The following UGT1A8 variants were observed in gnomAD, a reference collection of about 807,000 sequenced individuals.
UGT1A8 encodes the protein UDP glucuronosyltransferase family 1 member A8, also known as UDP-glucuronosyltransferase 1A8.
A neutral mutation model predicts 45.3 loss-of-function variants in UGT1A8; 39 were observed. The observed-to-expected ratio is 0.86, with a 90% CI of 0.67 to 1.12. UGT1A8 has a LOEUF of 1.12. Ranked by LOEUF, UGT1A8 falls within the 50% of genes most tolerant of loss-of-function variation. The pLI is 0.00. For missense variants in UGT1A8, 719 were observed against 664.9 expected (o/e 1.08, Z -0.90); for synonymous variants, 275 against 249.2 (o/e 1.10, Z -0.97).
chr2:233,696,740 AGTATGAT>A (rs1292795336), intron 1 of UGT1A8, among the ~76,000 whole-genome samples: 1 of 152,134 alleles, frequency 6.6e-6, no homozygotes, highest in African/African-American at 2.4e-5. Context: ...TACCCTTTTC[AGTATGAT>A]GTTAGCTGTG....
At chr2:233,747,651 G>T (rs566750548) in intron 1 of UGT1A8, 4 of 1,588,612 alleles carry the variant, frequency 2.5e-6, no homozygotes, top group African/African-American at 2.7e-5. Flanking sequence ...TACTTCCTTC[G>T]ATGTGGTTTT....
chr2:233,640,429 C>T (rs1303008884), intron 1 of UGT1A8, among the ~76,000 whole-genome samples: 1 of 152,034 alleles, frequency 6.6e-6, no homozygotes, highest in Non-Finnish European at 1.5e-5. Flanking sequence ...TACACGGCCA[C>T]AATATCGTTA....
chr2:233,740,535 G>A (rs566003594), intron 1 of UGT1A8, among the ~76,000 whole-genome samples: 2 of 151,952 alleles, frequency 1.3e-5, no homozygotes, highest in South Asian at 2.1e-4. Context: ...CAGCTGTGTT[G>A]AACTCCAGCC....
chr2:233,683,625 C>T (rs1285866953), intron 1 of UGT1A8, among the ~76,000 whole-genome samples: 1 of 152,056 alleles, frequency 6.6e-6, no homozygotes, highest in Non-Finnish European at 1.5e-5. Flanking sequence ...TGTTTTATTT[C>T]CATAAATAAA....
At chr2:233,747,673 T>G in intron 1 of UGT1A8, 1 of 1,605,188 alleles carries the variant, frequency 6.2e-7, no homozygotes, top group Non-Finnish European at 8.5e-7. Context: ...ATAGACCCAA[T>G]TTACCTCTGT....
chr2:233,733,854 T>C (rs1332608655), intron 1 of UGT1A8, among the ~76,000 whole-genome samples: 1 of 152,088 alleles, frequency 6.6e-6, no homozygotes, highest in East Asian at 1.9e-4. Flanking sequence ...CTTTTTCTAT[T>C]GATTGGAATA....
rs3213726 is a variant in UGT1A8, at chr2:233,766,877, C to A, written c.856-157C>A. ...GAAGGAAGTAAAGGAGAGGAAAATG[C>A]TGTAAAACTTACATATTAATAATTT... On this transcript the variant is annotated intron_variant, in intron 1 of 4. Coordinates refer to ENST00000373450, the MANE Select transcript of UGT1A8 (RefSeq NM_019076.5). Among the ~76,000 whole-genome samples, 50 of 152,336 alleles carry A rather than the reference C, an allele frequency of 3.3e-4. No homozygotes were observed. The East Asian group carries it at 9.2e-3, about 28-fold the overall frequency.
intron 1 of UGT1A8, among the ~76,000 whole-genome samples, chr2:233,737,452 T>A (rs1303552589): frequency 6.6e-6 from 1 of 152,148 alleles, no homozygotes; most frequent in Non-Finnish European, 1.5e-5. Flanking sequence ...TTTTTCCAGG[T>A]ACAGTCTGTC....
intron 1 of UGT1A8, among the ~76,000 whole-genome samples, chr2:233,712,715 A>G (rs2125629619): frequency 1.3e-5 from 2 of 151,908 alleles, no homozygotes; most frequent in South Asian, 4.2e-4. Context: ...TTGGGAATTG[A>G]ATGAGAAACA....
rs750647558 is a variant in UGT1A8 at position 233,719,225 on chromosome 2, G to A, written c.856-47809G>A. On this transcript the variant is annotated intron_variant, in intron 1 of 4. Coordinates refer to ENST00000373450, the MANE Select transcript of UGT1A8 (RefSeq NM_019076.5). ...GTTGTGTGGAGCTACTGCATAATGA[G>A]GCCCTGATCAGGCACCTGAATGCTA... The A allele has an allele frequency of 4.3e-6, 7 of 1,614,052 alleles. No homozygotes were observed. In the South Asian group the frequency reaches 5.5e-5, roughly 13 times the overall value.
chr2:233,767,950 A>T lies in UGT1A8; in HGVS notation c.1075+14A>T. The T allele has an allele frequency of 6.2e-7, 1 of 1,614,160 alleles. No homozygotes were observed. On this transcript the variant is annotated intron_variant, in intron 3 of 4. Transcript: ENST00000373450. ...ACGATCTGCTTGGTATGTTGGGCGG[A>T]TTGGATGTATAGGTCAAACCAGGGT... is the stretch of plus-strand genomic sequence containing the variant.
At chr2:233,767,621 C>T (rs149525417) in intron 2 of UGT1A8, among the ~76,000 whole-genome samples, 1 of 152,276 alleles carries the variant, frequency 6.6e-6, no homozygotes, top group African/African-American at 2.4e-5. Flanking sequence ...AAGTGCACAG[C>T]TTGATAAATT....
chr2:233,758,687 A>T (rs1165998608), intron 1 of UGT1A8, among the ~76,000 whole-genome samples: 1 of 152,210 alleles, frequency 6.6e-6, no homozygotes, highest in Non-Finnish European at 1.5e-5. Flanking sequence ...CCCATAGGAC[A>T]CCAAAACTCT....
intron 1 of UGT1A8, among the ~76,000 whole-genome samples, chr2:233,665,816 G>A (rs767166241): frequency 6.6e-6 from 1 of 152,192 alleles, no homozygotes; most frequent in Non-Finnish European, 1.5e-5. Context: ...TGGAGTAGTT[G>A]TGATCTATGG....
chr2:233,739,772 T>C (rs1691199757), intron 1 of UGT1A8, among the ~76,000 whole-genome samples: 1 of 152,174 alleles, frequency 6.6e-6, no homozygotes, highest in South Asian at 2.1e-4. Context: ...AGTGCTGAAA[T>C]GAGTTAAGAC....
chr2:233,628,384 C>T (rs2073130583), intron 1 of UGT1A8, among the ~76,000 whole-genome samples: 1 of 151,932 alleles, frequency 6.6e-6, no homozygotes, highest in Non-Finnish European at 1.5e-5. Context: ...TAAAAATCTG[C>T]ATATAAGTGG....
At chr2:233,680,011 TTC>T (rs892879074) in intron 1 of UGT1A8, among the ~76,000 whole-genome samples, 4 of 152,052 alleles carry the variant, frequency 2.6e-5, no homozygotes, top group Non-Finnish European at 5.9e-5. Context: ...TTTTCTTTCT[TTC>T]TCTCTCTCTC....
chr2:233,761,173 T>C (rs771182197), intron 1 of UGT1A8: 2 of 1,614,246 alleles, frequency 1.2e-6, no homozygotes, highest in South Asian at 2.2e-5. Context: ...AGTGGGACTT[T>C]TACATGCGTA....
At chr2:233,628,788 A>G (rs939907272) in intron 1 of UGT1A8, among the ~76,000 whole-genome samples, 198 of 151,762 alleles carry the variant, frequency 1.3e-3, no homozygotes, top group African/African-American at 4.6e-3. Context: ...ACTTCCCTTT[A>G]TTTTCCGAGT....
Sources: gnomAD v4.1 joint callset for allele counts (sites outside exome capture counted in the v4.1 genomes callset) on GRCh38, gnomAD v4.1.1 for gene constraint, MANE v1.5 for transcripts, NCBI Gene and HGNC (gene_info 2026-07-23, HGNC 2026-07-21) for gene names.